SLC4A4: variants seen among roughly 807,000 people sequenced by gnomAD.
The protein encoded by SLC4A4 is electrogenic sodium bicarbonate cotransporter 1.
A neutral mutation model predicts 111.5 loss-of-function variants in SLC4A4; 27 were observed. The ratio of observed to expected loss-of-function variants is 0.24; its 90% confidence interval spans 0.18 to 0.33. SLC4A4 has a LOEUF of 0.33. SLC4A4 is among the 10% of genes least tolerant of loss of function. SLC4A4 has a pLI of 1.00. For synonymous variants in SLC4A4, 443 were observed against 463.4 expected (o/e 0.96, Z 0.57); for missense variants, 909 against 1,315.5 (o/e 0.69, Z 4.78).
chr4:71,126,852 G>T (rs1369505568), intron 2 of SLC4A4, among the ~76,000 whole-genome samples: 1 of 152,004 alleles, frequency 6.6e-6, no homozygotes, highest in Non-Finnish European at 1.5e-5. Context: ...ACATACTTTT[G>T]GTTCTGCATG....
At chr4:71,421,374 C>T (rs918190687) in intron 7 of SLC4A4, among the ~76,000 whole-genome samples, 1 of 152,130 alleles carries the variant, frequency 6.6e-6, no homozygotes, top group African/African-American at 2.4e-5. Context: ...GAGACTCCCA[C>T]ACATTAATAA....
At chr4:71,172,987 G>A (rs1744985234) in intron 2 of SLC4A4, among the ~76,000 whole-genome samples, 1 of 152,118 alleles carries the variant, frequency 6.6e-6, no homozygotes, top group African/African-American at 2.4e-5. Flanking sequence ...TTTCTATATA[G>A]TACATTATAA....
chr4:71,151,906 C>CA (rs1215777449), intron 2 of SLC4A4, among the ~76,000 whole-genome samples: 1 of 151,798 alleles, frequency 6.6e-6, no homozygotes, highest in African/African-American at 2.4e-5. Context: ...ACTAAAAATA[C>CA]AAAAATTTTT....
At chr4:71,417,795 G>T (rs1721954944) in intron 7 of SLC4A4, among the ~76,000 whole-genome samples, 1 of 152,098 alleles carries the variant, frequency 6.6e-6, no homozygotes, top group Non-Finnish European at 1.5e-5. Context: ...GGTATTTCAG[G>T]AAAATAGCTT....
At chr4:71,488,890 G>GTGTGTA (rs1729651955) in intron 15 of SLC4A4, among the ~76,000 whole-genome samples, 1 of 92,352 alleles carries the variant, frequency 1.1e-5, no homozygotes, top group African/African-American at 3.2e-5. Context: ...AAGAAAAAAT[G>GTGTGTA]TGTGTGTGTG....
At chr4:71,164,662 A>G (rs1296285622) in intron 2 of SLC4A4, among the ~76,000 whole-genome samples, 2 of 152,166 alleles carry the variant, frequency 1.3e-5, no homozygotes, top group East Asian at 1.9e-4. Context: ...TCATGACTAA[A>G]ACACCAAAAG....
intron 7 of SLC4A4, among the ~76,000 whole-genome samples, chr4:71,399,348 C>T (rs1035719346): frequency 1.3e-5 from 2 of 151,982 alleles, no homozygotes; most frequent in Non-Finnish European, 2.9e-5. Context: ...ACTGACAGCA[C>T]TTGTAGTAGT....
At chr4:71,174,128 C>A (rs1416583950) in intron 2 of SLC4A4, among the ~76,000 whole-genome samples, 3 of 152,102 alleles carry the variant, frequency 2.0e-5, no homozygotes, top group Non-Finnish European at 2.9e-5. Flanking sequence ...AGTACAACAG[C>A]TATGAACTGG....
chr4:71,150,365 G>A (rs1211556871), intron 2 of SLC4A4, among the ~76,000 whole-genome samples: 4 of 152,098 alleles, frequency 2.6e-5, no homozygotes, highest in Non-Finnish European at 5.9e-5. Flanking sequence ...TCTCATAAAT[G>A]GAGATGGTCT....
chr4:71,248,841 A>G (rs1355650582), intron 2 of SLC4A4, among the ~76,000 whole-genome samples: 1 of 152,160 alleles, frequency 6.6e-6, no homozygotes, highest in Non-Finnish European at 1.5e-5. Context: ...CCTTCATCTA[A>G]GACTATAATT....
intron 3 of SLC4A4, among the ~76,000 whole-genome samples, chr4:71,321,438 G>A (rs1470573883): frequency 1.3e-5 from 2 of 151,970 alleles, no homozygotes; most frequent in Non-Finnish European, 2.9e-5. Context: ...TCTACAAGTG[G>A]TCTTTCAGCT....
rs1055568697 is a variant in SLC4A4 at position 71,163,517 on chromosome 4, G to A, written c.-2+70725G>A. On this transcript the variant is annotated intron_variant, in intron 2 of 26. Transcript: ENST00000649996. ...ATATGATAAGTGACTTATCTCAGTC[G>A]GCTTCAACACAGAAGTTTGGGCTGA... is the stretch of plus-strand genomic sequence containing the variant. 9.9e-5 allele frequency among the ~76,000 whole-genome samples: 15 copies of A among 152,232 alleles called. 1 individual carries two copies. The highest frequency in any genetic ancestry group is 9.2e-4 in the Admixed American group (14 of 15,286).
chr4:71,289,819 G>A (rs1724195232), intron 3 of SLC4A4, among the ~76,000 whole-genome samples: 1 of 152,230 alleles, frequency 6.6e-6, no homozygotes, highest in Admixed American at 6.5e-5. Flanking sequence ...GCTAGGACAA[G>A]GCGGAACTTC....
rs531920380 is a variant in SLC4A4, at chr4:71,559,689, T to C, written c.2938-404T>C. On this transcript the variant is annotated intron_variant, in intron 22 of 25. Coordinates refer to ENST00000264485, the MANE Select transcript of SLC4A4 (RefSeq NM_001098484.3). ...ATATGTGTCGTACAGATTTTCTTGA[T>C]TGCTAAAAACCTTTATGATGTTTTA... 2.0e-5 allele frequency among the ~76,000 whole-genome samples: 3 copies of C among 151,992 alleles called. No homozygotes were observed. In the South Asian group the frequency reaches 6.2e-4, roughly 32 times the overall value.
intron 3 of SLC4A4, 85 bp downstream of exon 3, chr4:71,255,484 AG>A: frequency 7.5e-7 from 1 of 1,324,570 alleles, no homozygotes; most frequent in East Asian, 2.3e-5. Flanking sequence ...TTGTGGCTAA[AG>A]GGGAGGGACA....
chr4:71,131,322 A>G (rs890078367), intron 2 of SLC4A4, among the ~76,000 whole-genome samples: 26 of 152,206 alleles, frequency 1.7e-4, no homozygotes, highest in Admixed American at 6.5e-4. Context: ...GTTCTTTTAT[A>G]ACAGCAGAGG....
chr4:71,506,561 G>A (rs1046781215), intron 16 of SLC4A4, among the ~76,000 whole-genome samples: 1 of 152,102 alleles, frequency 6.6e-6, no homozygotes, highest in African/African-American at 2.4e-5. Context: ...CTTAGCTGAA[G>A]TTGCTTAGCA....
intron 3 of SLC4A4, among the ~76,000 whole-genome samples, chr4:71,318,015 A>G (rs369794048): frequency 1.3e-4 from 20 of 152,086 alleles, no homozygotes; most frequent in East Asian, 5.8e-4. Context: ...AATAGAAAGC[A>G]AGCTGTGAAG....
chr4:71,236,144 A>G, intron 1 of SLC4A4: 1 of 1,048,066 alleles, frequency 9.5e-7, no homozygotes, highest in Non-Finnish European at 1.2e-6. Context: ...CATTTTATGC[A>G]GTGGGTGTTT....
Sources: allele counts gnomAD v4.1 joint callset (sites outside exome capture counted in the v4.1 genomes callset), GRCh38; gene constraint gnomAD v4.1.1; transcripts MANE v1.5; gene names NCBI Gene and HGNC (gene_info 2026-07-23, HGNC 2026-07-21).